The following RASSF8 variants were observed in gnomAD, a reference collection of about 807,000 sequenced individuals.
RASSF8 encodes the protein ras association domain-containing protein 8.
In RASSF8, 22 loss-of-function variants were observed where a neutral mutation model predicts 48.5. That is an observed-to-expected ratio of 0.45 (90% CI 0.32 to 0.65). The LOEUF (loss-of-function observed/expected upper bound fraction) is 0.65. RASSF8 is among the 30% of genes least tolerant of loss of function. The probability of loss-of-function intolerance (pLI) is 0.03; values close to 1 mark genes in which losing one functional copy is unlikely to be tolerated. For synonymous variants in RASSF8, 127 were observed against 171.5 expected, an observed-to-expected ratio of 0.74 and a Z score of 2.03; for missense variants, 418 against 489.2, an observed-to-expected ratio of 0.85 and a Z score of 1.37.
intron 2 of RASSF8, among the ~76,000 whole-genome samples, chr12:26,027,777 C>G (rs1721593355): frequency 1.3e-5 from 2 of 152,148 alleles, no homozygotes; most frequent in South Asian, 4.1e-4. Flanking sequence ...ATGAGTGTTA[C>G]TTTGGTCACC....
chr12:25,992,140 C>G (rs1308898881), intron 1 of RASSF8, among the ~76,000 whole-genome samples: 1 of 152,232 alleles, frequency 6.6e-6, no homozygotes, highest in Non-Finnish European at 1.5e-5. Context: ...CTCAGAACCA[C>G]TGTACAATCT....
Position 26,071,736 on chromosome 12 carries a change from C to A in RASSF8, c.*2918C>A, listed in dbSNP as rs1340035247. Reference sequence around the variant, plus strand: ...TTCTCCCAGTCATCAATGAGGTAATCATCAATTCCTATAGTTCAAATTAGT... The same window carrying A: ...TTCTCCCAGTCATCAATGAGGTAATAATCAATTCCTATAGTTCAAATTAGT... On this transcript the variant is annotated 3_prime_UTR_variant, in exon 6 of 6. Coordinates refer to ENST00000689635, the MANE Select transcript of RASSF8 (RefSeq NM_001394098.1). The A allele has an allele frequency of 3.1e-6, 3 of 983,390 alleles. No homozygotes were observed. The highest frequency in any genetic ancestry group is 1.8e-5 in the African/African-American group (1 of 57,104). 60.9% of individuals were successfully genotyped at this position (983,390 alleles called of 1,614,324 possible).
At chr12:25,976,318 A>C (rs1407550189) in intron 1 of RASSF8, among the ~76,000 whole-genome samples, 1 of 152,192 alleles carries the variant, frequency 6.6e-6, no homozygotes, top group Non-Finnish European at 1.5e-5. Context: ...AATCATACTG[A>C]GTGCAGGTGG....
At chr12:26,018,545 A>T (rs780020375) in intron 2 of RASSF8, among the ~76,000 whole-genome samples, 1 of 152,184 alleles carries the variant, frequency 6.6e-6, no homozygotes, top group African/African-American at 2.4e-5. Context: ...TTCTTAGAGG[A>T]TGATAAAGTT....
rs1027521976 is a variant in RASSF8 at position 25,989,938 on chromosome 12, C to T, written c.-202-5099C>T. Among the ~76,000 whole-genome samples the T allele has an allele frequency of 6.6e-5, 10 of 152,288 alleles. No individual in the cohort carries two copies. In the South Asian group the frequency reaches 8.3e-4, roughly 13 times the overall value. ...TCAGGGCTCCACCGTTTACTAGTCA[C>T]CTGAACCCGGGAAGGTACTAAATCT... On this transcript the variant is annotated intron_variant, in intron 1 of 5. Transcript: ENST00000689635.
At chr12:25,986,992 A>G (rs182450796) in intron 1 of RASSF8, among the ~76,000 whole-genome samples, 39 of 151,774 alleles carry the variant, frequency 2.6e-4, no homozygotes, top group African/African-American at 8.9e-4. Flanking sequence ...CTGGAGTGCA[A>G]TGGCGCAATC....
At position 26,065,320 on chromosome 12, in the gene RASSF8, G is replaced by A. The variant is rs1180101688; in HGVS notation, c.926G>A (p.Ser309Asn). The change falls in exon 4 of 6, where the codon AGT becomes AAT. Residue 309 changes from serine to asparagine, a missense_variant. Transcript: ENST00000689635. ...KGEIDIQGQQ[S>N]LRLENGIKAV... ...GAGATTGACATTCAAGGCCAGCAGAGTCTGAGGTTGGAAAATGGCATCAAA... is the reference window on the plus strand; with the variant it reads ...GAGATTGACATTCAAGGCCAGCAGAATCTGAGGTTGGAAAATGGCATCAAA... 9 of 1,614,026 alleles carry A rather than the reference G, an allele frequency of 5.6e-6. No homozygotes were observed. Among genetic ancestry groups the A allele is most frequent in the Admixed American group, 1.7e-5 (1 of 60,000 alleles).
In RASSF8 at chr12:25,995,368, A is replaced by G. The variant is rs184791952; in HGVS notation, c.-109+238A>G. On this transcript the variant is annotated intron_variant, in intron 2 of 5. Transcript: ENST00000689635. Reference sequence around the variant, plus strand: ...CTAGGTCCAAATTTGGGTCGACACTAAAAGCATCATAAAATATGCCTTAGG... The same window carrying G: ...CTAGGTCCAAATTTGGGTCGACACTGAAAGCATCATAAAATATGCCTTAGG... Among the ~76,000 whole-genome samples the G allele has an allele frequency of 2.1e-3, 319 of 152,308 alleles. 2 individuals are homozygous for G. Among genetic ancestry groups the G allele is most frequent in the African/African-American group, 7.4e-3 (307 of 41,560 alleles).
intron 4 of RASSF8, among the ~76,000 whole-genome samples, chr12:26,066,591 G>T (rs1943880035): frequency 2.6e-5 from 4 of 152,184 alleles, no homozygotes. Context: ...AAAGGTACAA[G>T]TGGAAGTTGT....
chr12:25,998,385 T>C (rs1397172693), intron 2 of RASSF8, among the ~76,000 whole-genome samples: 2 of 151,380 alleles, frequency 1.3e-5, no homozygotes, highest in Non-Finnish European at 2.9e-5. Context: ...GTTTCACTCT[T>C]GTTGCCCAGG....
chr12:25,969,603 G>C (rs536740812), intron 1 of RASSF8, among the ~76,000 whole-genome samples: 1 of 152,212 alleles, frequency 6.6e-6, no homozygotes, highest in African/African-American at 2.4e-5. Context: ...GGTGGAGGTG[G>C]GGAAGTGAGG....
intron 1 of RASSF8, among the ~76,000 whole-genome samples, chr12:25,970,901 C>T (rs16929780): frequency 0.11 from 17,162 of 152,248 alleles, 1,304 homozygotes; most frequent in Admixed American, 0.19. Context: ...CCTGCCAGAA[C>T]ACTTGACGGT....
chr12:25,967,136 C>T (rs532327134), intron 1 of RASSF8, among the ~76,000 whole-genome samples: 1 of 152,216 alleles, frequency 6.6e-6, no homozygotes, highest in Non-Finnish European at 1.5e-5. Flanking sequence ...TTAATTATCA[C>T]AGCTGGATGA....
chr12:26,070,008 C>T lies in RASSF8; in HGVS notation c.*1190C>T. The T allele has an allele frequency of 1.0e-6, 1 of 977,230 alleles. No individual in the cohort carries two copies. The highest frequency in any genetic ancestry group is 1.2e-6 in the Non-Finnish European group (1 of 822,454). The allele number at this position is 977,230 out of a possible 1,614,324, so 60.5% of individuals were successfully genotyped here. A position where few individuals can be genotyped will look rare whatever the true frequency, so the allele number is the denominator to read the frequency against. On this transcript the variant is annotated 3_prime_UTR_variant, in exon 6 of 6. Coordinates refer to ENST00000689635, the MANE Select transcript of RASSF8 (RefSeq NM_001394098.1). ...TTTATTTGTAAAACCAAATATGACTCAACACCTTTTTGATGAGTAGTGACT... is the reference window on the plus strand; with the variant it reads ...TTTATTTGTAAAACCAAATATGACTTAACACCTTTTTGATGAGTAGTGACT...
At chr12:25,963,619 G>T (rs1941289610) in intron 1 of RASSF8, among the ~76,000 whole-genome samples, 2 of 152,050 alleles carry the variant, frequency 1.3e-5, no homozygotes, top group Non-Finnish European at 2.9e-5. Context: ...GAGTGTGTGG[G>T]GGCACTTTGG....
Position 26,054,655 on chromosome 12 carries a change from T to C in RASSF8, c.-108-581T>C, listed in dbSNP as rs143505832. On this transcript the variant is annotated intron_variant, in intron 2 of 5. Coordinates refer to ENST00000689635, the MANE Select transcript of RASSF8 (RefSeq NM_001394098.1). ...GAGGCAAGGGACACATTTAAAACAG[T>C]TGTCAAGACATCATACATGAGAAGA... Among the ~76,000 whole-genome samples the C allele has an allele frequency of 5.0e-4, 76 of 152,210 alleles. 1 individual carries two copies. The highest frequency in any genetic ancestry group is 1.8e-3 in the African/African-American group (74 of 41,540).
chr12:26,018,524 G>A (rs1592272355), intron 2 of RASSF8, among the ~76,000 whole-genome samples: 1 of 152,128 alleles, frequency 6.6e-6, no homozygotes, highest in East Asian at 1.9e-4. Flanking sequence ...ACCATAGAAT[G>A]TGATTTTAAT....
chr12:25,987,479 T>C (rs1454571248), intron 1 of RASSF8, among the ~76,000 whole-genome samples: 1 of 152,114 alleles, frequency 6.6e-6, no homozygotes, highest in Non-Finnish European at 1.5e-5. Flanking sequence ...AGGCAGGAAA[T>C]GATAAGGTTT....
chr12:25,978,153 T>A (rs1266913590), intron 1 of RASSF8, among the ~76,000 whole-genome samples: 2 of 152,214 alleles, frequency 1.3e-5, no homozygotes, highest in African/African-American at 2.4e-5. Context: ...TCTAACACAA[T>A]TTTTTAAAAA....
Sources: allele counts gnomAD v4.1 joint callset (sites outside exome capture counted in the v4.1 genomes callset), GRCh38; gene constraint gnomAD v4.1.1; transcripts MANE v1.5; gene names NCBI Gene and HGNC (gene_info 2026-07-23, HGNC 2026-07-21).